The following ADAMTSL1 variants were observed in gnomAD, a reference collection of about 807,000 sequenced individuals.
The protein encoded by ADAMTSL1 is ADAMTS-like protein 1.
In ADAMTSL1, 126 loss-of-function variants were observed where a neutral mutation model predicts 201.8. The observed-to-expected ratio is 0.62, with a 90% CI of 0.54 to 0.72. The LOEUF is 0.72. Ranked by LOEUF, ADAMTSL1 falls within the 30% of genes least tolerant of loss-of-function variation. ADAMTSL1 has a pLI of 0.00. For synonymous variants in ADAMTSL1, 1,121 were observed against 903.4 expected (o/e 1.24, Z -4.32); for missense variants, 2,679 against 2,277.8 (o/e 1.18, Z -3.59).
chr9:18,754,129 C>T (rs1444938157), intron 16 of ADAMTSL1, among the ~76,000 whole-genome samples: 2 of 152,144 alleles, frequency 1.3e-5, no homozygotes, highest in Non-Finnish European at 2.9e-5. Context: ...CATTATTTTA[C>T]GTACCGTCTA....
chr9:18,325,063 T>C (rs1479568752), intron 2 of ADAMTSL1, among the ~76,000 whole-genome samples: 2 of 152,156 alleles, frequency 1.3e-5, no homozygotes, highest in Admixed American at 6.5e-5. Flanking sequence ...CTCAGTAGAA[T>C]GGATATAATT....
chr9:18,762,477 C>G (rs1820129945), intron 16 of ADAMTSL1, among the ~76,000 whole-genome samples: 2 of 152,140 alleles, frequency 1.3e-5, no homozygotes, highest in Non-Finnish European at 2.9e-5. Context: ...TCCATCCCTT[C>G]AAACACTTAT....
intron 2 of ADAMTSL1, among the ~76,000 whole-genome samples, chr9:18,182,179 C>T (rs1026373714): frequency 3.3e-5 from 5 of 150,368 alleles, no homozygotes; most frequent in African/African-American, 7.4e-5. Context: ...GGGAGATATA[C>T]GTAATGCTAG....
rs57351480 is a variant in ADAMTSL1, at chr9:18,621,556, C to CCACACACACACA, written c.475-654_475-643dup. 1.3e-3 allele frequency among the ~76,000 whole-genome samples: 182 copies of CCACACACACACA among 143,722 alleles called. 1 individual carries two copies. The highest frequency in any genetic ancestry group is 0.011 in the East Asian group (52 of 4,940). The allele number at this position is 143,722 out of a possible 152,430, so 94.3% of individuals were successfully genotyped here. ...CTGCCCTTCATGCAACCGTCCTCTT[C>CCACACACACACA]CACACACACACACACACACACACAC... On this transcript the variant is annotated intron_variant, in intron 4 of 28. Transcript: ENST00000380548.
chr9:18,717,092 G>A (rs1010247127), intron 14 of ADAMTSL1, among the ~76,000 whole-genome samples: 8 of 147,426 alleles, frequency 5.4e-5, no homozygotes, highest in African/African-American at 1.2e-4. Flanking sequence ...TGGTGGGGTG[G>A]GGGGACGGGG....
chr9:18,811,036 C>CAAAAAA (rs1823474426), intron 20 of ADAMTSL1, among the ~76,000 whole-genome samples: 1 of 88,124 alleles, frequency 1.1e-5, no homozygotes, highest in African/African-American at 4.5e-5. Flanking sequence ...AAAAAAAAAA[C>CAAAAAA]AAACACCAGC....
At chr9:18,109,724 G>A (rs531893285) in intron 1 of ADAMTSL1, among the ~76,000 whole-genome samples, 34 of 152,190 alleles carry the variant, frequency 2.2e-4, no homozygotes, top group African/African-American at 5.5e-4. Context: ...CTAATTCTTC[G>A]GAACTTGAAC....
intron 1 of ADAMTSL1, among the ~76,000 whole-genome samples, chr9:18,048,846 ATGG>A (rs1821790469): frequency 6.6e-6 from 1 of 152,154 alleles, no homozygotes; most frequent in Non-Finnish European, 1.5e-5. Context: ...CAGGGCTGCT[ATGG>A]CAAAGTACCA....
At chr9:18,790,195 G>A (rs544820452) in intron 19 of ADAMTSL1, among the ~76,000 whole-genome samples, 97 of 152,198 alleles carry the variant, frequency 6.4e-4, no homozygotes, top group African/African-American at 2.1e-3. Context: ...TGAGATCTTC[G>A]CAAGAACACT....
chr9:18,214,364 C>A (rs1168893926), intron 2 of ADAMTSL1, among the ~76,000 whole-genome samples: 1 of 152,252 alleles, frequency 6.6e-6, no homozygotes, highest in African/African-American at 2.4e-5. Context: ...GGATGTATAG[C>A]CTCCAATTCA....
intron 2 of ADAMTSL1, among the ~76,000 whole-genome samples, chr9:18,291,919 A>C (rs1249931688): frequency 6.6e-6 from 1 of 152,048 alleles, no homozygotes; most frequent in African/African-American, 2.4e-5. Context: ...TTTGCAGCCA[A>C]TGTTGTTCAT....
At chr9:18,627,824 A>G (rs549978870) in intron 5 of ADAMTSL1, among the ~76,000 whole-genome samples, 59 of 152,208 alleles carry the variant, frequency 3.9e-4, no homozygotes, top group South Asian at 6.2e-4. Flanking sequence ...ACACATTCAC[A>G]GATTTAAGGA....
chr9:18,473,891 G>C (rs1162139012), upstream of ADAMTSL1: 1 of 328,054 alleles, frequency 3.0e-6, no homozygotes, highest in African/African-American at 2.1e-5. Context: ...TGCATCTTTT[G>C]CATTTCCCTT....
At chr9:18,110,094 A>T (rs1221423275) in intron 1 of ADAMTSL1, among the ~76,000 whole-genome samples, 1 of 152,002 alleles carries the variant, frequency 6.6e-6, no homozygotes, top group Non-Finnish European at 1.5e-5. Context: ...TTCTTTCTTC[A>T]TCAAGTCTTT....
intron 1 of ADAMTSL1, among the ~76,000 whole-genome samples, chr9:18,073,791 G>A (rs1026333848): frequency 2.0e-5 from 3 of 152,158 alleles, no homozygotes; most frequent in African/African-American, 4.8e-5. Flanking sequence ...CCTTGAGGGT[G>A]TCACCCAACT....
chr9:18,036,057 C>G (rs1821182813), intron 1 of ADAMTSL1, among the ~76,000 whole-genome samples: 1 of 152,116 alleles, frequency 6.6e-6, no homozygotes, highest in Non-Finnish European at 1.5e-5. Context: ...CACAAGGGAT[C>G]TCATGTAGGA....
chr9:18,697,324 A>G (rs553361127), intron 13 of ADAMTSL1, among the ~76,000 whole-genome samples: 33 of 152,312 alleles, frequency 2.2e-4, no homozygotes, highest in African/African-American at 7.9e-4. Context: ...AAATACATAT[A>G]TTATTATGGA....
chr9:18,331,723 C>G (rs1484763344), intron 2 of ADAMTSL1, among the ~76,000 whole-genome samples: 2 of 152,126 alleles, frequency 1.3e-5, no homozygotes, highest in Non-Finnish European at 2.9e-5. Flanking sequence ...ATCTTGAATT[C>G]TATTTGAAGC....
chr9:18,001,398 C>T (rs1023769398), intron 1 of ADAMTSL1, among the ~76,000 whole-genome samples: 3 of 143,386 alleles, frequency 2.1e-5, no homozygotes, highest in African/African-American at 7.3e-5. Context: ...GGAACTGGTC[C>T]AAGATGAGGG....
Sources: allele counts gnomAD v4.1 joint callset (sites outside exome capture counted in the v4.1 genomes callset), GRCh38; gene constraint gnomAD v4.1.1; transcripts MANE v1.5; gene names NCBI Gene and HGNC (gene_info 2026-07-23, HGNC 2026-07-21).